The following DCUN1D3 variants were observed in gnomAD, a reference collection of about 807,000 sequenced individuals.
DCUN1D3 encodes the protein DCN1-like protein 3.
In DCUN1D3, 6 loss-of-function variants were observed where a neutral mutation model predicts 24.8. That is an observed-to-expected ratio of 0.24 (90% CI 0.13 to 0.48). DCUN1D3 has a LOEUF of 0.48. Ranked by LOEUF, DCUN1D3 falls within the 20% of genes least tolerant of loss-of-function variation. DCUN1D3 has a pLI of 0.99. For missense variants in DCUN1D3, 258 were observed against 379.4 expected (o/e 0.68, Z 2.66); for synonymous variants, 120 against 144.9 (o/e 0.83, Z 1.24).
intron 1 of DCUN1D3, among the ~76,000 whole-genome samples, chr16:20,878,245 G>GCTT (rs2081825983): frequency 6.6e-6 from 1 of 152,156 alleles, no homozygotes; most frequent in South Asian, 2.1e-4. Flanking sequence ...TACAAACACA[G>GCTT]CTTCTCAGCC....
chr16:20,866,091 G>A (rs888077976), intron 1 of DCUN1D3, among the ~76,000 whole-genome samples: 1 of 152,262 alleles, frequency 6.6e-6, no homozygotes, highest in East Asian at 1.9e-4. Context: ...TAAGACTACA[G>A]CTAGTAAGCC....
intron 2 of DCUN1D3, among the ~76,000 whole-genome samples, chr16:20,861,539 T>C (rs2081732582): frequency 6.6e-6 from 1 of 152,078 alleles, no homozygotes; most frequent in African/African-American, 2.4e-5. Context: ...ACAATAAATA[T>C]CAAGTGAGTG....
Position 20,855,130 on chromosome 16 carries a change from C to CACACT in DCUN1D3, c.*4751_*4755dup, listed in dbSNP as rs1308747741. 1 of 152,302 alleles carries CACACT rather than the reference C, an allele frequency of 6.6e-6. No individual in the cohort carries two copies. The highest frequency in any genetic ancestry group is 1.5e-5 in the Non-Finnish European group (1 of 68,040). The allele number at this position is 152,302 out of a possible 1,614,324, so 9.4% of individuals were successfully genotyped here. ...AGTTTGTACAACCTCAACAAACAGACACACTGGTCACAAACCAAGAGGGAT... is the reference window on the plus strand; with the variant it reads ...AGTTTGTACAACCTCAACAAACAGACACACTACACTGGTCACAAACCAAGAGGGAT... On this transcript the variant is annotated 3_prime_UTR_variant, in exon 3 of 3. Transcript: ENST00000324344.
intron 1 of DCUN1D3, among the ~76,000 whole-genome samples, chr16:20,879,198 C>G (rs1052773537): frequency 1.3e-5 from 2 of 152,196 alleles, no homozygotes; most frequent in African/African-American, 4.8e-5. Flanking sequence ...AGTTTAAACA[C>G]TGGTAGCTGG....
At chr16:20,897,238 G>A (rs2081920164) in intron 1 of DCUN1D3, among the ~76,000 whole-genome samples, 1 of 152,234 alleles carries the variant, frequency 6.6e-6, no homozygotes, top group Non-Finnish European at 1.5e-5. Flanking sequence ...AGTGTGACAT[G>A]GCTCAAGAGG....
chr16:20,878,924 C>T (rs1380917595), intron 1 of DCUN1D3, among the ~76,000 whole-genome samples: 1 of 152,220 alleles, frequency 6.6e-6, no homozygotes, highest in African/African-American at 2.4e-5. Flanking sequence ...GCCAGAGGTA[C>T]TTGCTGAGAA....
At chr16:20,887,603 C>T (rs1158418891) in intron 1 of DCUN1D3, among the ~76,000 whole-genome samples, 2 of 152,202 alleles carry the variant, frequency 1.3e-5, no homozygotes, top group Admixed American at 1.3e-4. Flanking sequence ...AGTCCCACTA[C>T]AGTAGACTGT....
chr16:20,891,055 G>A (rs777589987), intron 1 of DCUN1D3, among the ~76,000 whole-genome samples: 18 of 151,516 alleles, frequency 1.2e-4, no homozygotes, highest in African/African-American at 3.9e-4. Context: ...GTGCTGTGGC[G>A]CGATCTTGGC....
At chr16:20,874,999 T>C (rs2081806577) in intron 1 of DCUN1D3, among the ~76,000 whole-genome samples, 1 of 152,058 alleles carries the variant, frequency 6.6e-6, no homozygotes, top group South Asian at 2.1e-4. Flanking sequence ...CCTGCCCACT[T>C]CCCACCCACA....
chr16:20,860,411 T>C lies in DCUN1D3; in HGVS notation c.432-42A>G. 6.4e-7 allele frequency: 1 copy of C among 1,572,502 alleles called. No homozygotes were observed. Among genetic ancestry groups the C allele is most frequent in the East Asian group, 2.2e-5 (1 of 44,554 alleles). ...AAGGACAATTAATCATTATAAACTA[T>C]ACTATTTACAGGCAATATACATAGT... On this transcript the variant is annotated intron_variant, in intron 2 of 2. Coordinates refer to ENST00000324344, the MANE Select transcript of DCUN1D3 (RefSeq NM_173475.4). This position sits in a 1 kb window ranked among gnomAD's most constrained non-coding sequence, Gnocchi z 4.3.
chr16:20,897,961 G>A (rs983370033), intron 1 of DCUN1D3, among the ~76,000 whole-genome samples: 3 of 152,090 alleles, frequency 2.0e-5, no homozygotes, highest in African/African-American at 4.8e-5. Flanking sequence ...TACTCCTTCT[G>A]GCAATTTGTT....
chr16:20,889,253 G>A (rs531903274), intron 1 of DCUN1D3, among the ~76,000 whole-genome samples: 14 of 151,740 alleles, frequency 9.2e-5, no homozygotes, highest in East Asian at 3.9e-4. Context: ...TTAGCCAGGC[G>A]TGGTGGCACA....
At chr16:20,867,403 C>T (rs951399854) in intron 1 of DCUN1D3, among the ~76,000 whole-genome samples, 10 of 152,120 alleles carry the variant, frequency 6.6e-5, no homozygotes, top group Non-Finnish European at 8.8e-5. Context: ...CAGGCAAGCA[C>T]CATGCACCCA....
intron 1 of DCUN1D3, among the ~76,000 whole-genome samples, chr16:20,887,264 T>C (rs1467458894): frequency 1.3e-5 from 2 of 152,138 alleles, no homozygotes; most frequent in Admixed American, 1.3e-4. Flanking sequence ...ATAGCGCCAC[T>C]GCACTCCAGC....
At position 20,857,818 on chromosome 16, in the gene DCUN1D3, A is replaced by G. The variant is rs1362719164; in HGVS notation, c.*2068T>C. The G allele has an allele frequency of 6.9e-6, 1 of 145,960 alleles. No individual in the cohort carries two copies. Among genetic ancestry groups the G allele is most frequent in the East Asian group, 2.0e-4 (1 of 4,958 alleles). 9.0% of individuals were successfully genotyped at this position (145,960 alleles called of 1,614,324 possible). On this transcript the variant is annotated 3_prime_UTR_variant, in exon 3 of 3. Coordinates refer to ENST00000324344, the MANE Select transcript of DCUN1D3 (RefSeq NM_173475.4). The stretch of plus-strand genomic sequence containing the variant: ...CTCTGAAGGAGGAACTGTCAGGTTT[A>G]GGATTTAAAAAAAAAAACAAATTCC...
chr16:20,892,094 T>C (rs1024210525), intron 1 of DCUN1D3, among the ~76,000 whole-genome samples: 8 of 152,168 alleles, frequency 5.3e-5, no homozygotes, highest in African/African-American at 1.9e-4. Flanking sequence ...TGGGAGTCTT[T>C]AGGCTTTTCT....
rs1405385497 is a variant in DCUN1D3 at position 20,900,235 on chromosome 16, T to C, written c.-137A>G. On this transcript the variant is annotated 5_prime_UTR_variant, in exon 1 of 3. Coordinates refer to ENST00000324344, the MANE Select transcript of DCUN1D3 (RefSeq NM_173475.4). Reference sequence around the variant, plus strand: ...TCCAGAGGTTCCTCCAGTCAAACCCTTTCTGGAAACGACGGCGGCCCGGCG... The same window carrying C: ...TCCAGAGGTTCCTCCAGTCAAACCCCTTCTGGAAACGACGGCGGCCCGGCG... 7.1e-6 allele frequency: 1 copy of C among 140,538 alleles called. No individual in the cohort carries two copies. The highest frequency in any genetic ancestry group is 2.7e-5 in the African/African-American group (1 of 37,642). 8.7% of individuals were successfully genotyped at this position (140,538 alleles called of 1,614,324 possible). A position where few individuals can be genotyped will look rare whatever the true frequency, so the allele number is the denominator to read the frequency against.
chr16:20,877,398 T>C (rs768115384), intron 1 of DCUN1D3, among the ~76,000 whole-genome samples: 5 of 152,206 alleles, frequency 3.3e-5, no homozygotes, highest in African/African-American at 4.8e-5. Context: ...TTTTACTTCT[T>C]CACGGCACTT....
intron 1 of DCUN1D3, among the ~76,000 whole-genome samples, chr16:20,872,977 A>G (rs1408053520): frequency 6.6e-6 from 1 of 152,160 alleles, no homozygotes; most frequent in Non-Finnish European, 1.5e-5. Context: ...TTAGCTGGGC[A>G]TGGTGGCACA....
Sources: allele counts gnomAD v4.1 joint callset (sites outside exome capture counted in the v4.1 genomes callset), GRCh38; gene constraint gnomAD v4.1.1; non-coding constraint Gnocchi (gnomAD v3.1); transcripts MANE v1.5; gene names NCBI Gene and HGNC (gene_info 2026-07-23, HGNC 2026-07-21).